Variants in SLC27A3 observed in about 807,000 individuals in gnomAD.
SLC27A3 encodes the protein solute carrier family 27 member 3, also known as long-chain fatty acid transport protein 3.
Under a neutral mutation model 60.1 loss-of-function variants are expected in SLC27A3, and 60 were observed. The ratio of observed to expected loss-of-function variants is 1.00; its 90% CI spans 0.81 to 1.24. The LOEUF is 1.24. Ranked by LOEUF, SLC27A3 falls within the 50% of genes most tolerant of loss-of-function variation. The pLI is 0.00. For synonymous variants in SLC27A3, 455 were observed against 409.0 expected (o/e 1.11, Z -1.36); for missense variants, 1,079 against 929.9 (o/e 1.16, Z -2.09).
intron 1 of SLC27A3, 67 bp from the exon 2 acceptor site, chr1:153,776,451 G>C (rs577396890): frequency 6.9e-7 from 1 of 1,445,530 alleles, no homozygotes; most frequent in Non-Finnish European, 9.5e-7. Flanking sequence ...GATAGGGAGG[G>C]GACATGGGTC....
intron 3 of SLC27A3, 106 bp from the exon 4 acceptor site, chr1:153,777,655 C>T: frequency 7.0e-7 from 1 of 1,423,962 alleles, no homozygotes. Flanking sequence ...TGGGCCCTTC[C>T]CAGGGAAAGA....
Position 153,776,501 on chromosome 1 carries a change from C to G in SLC27A3, c.668-17C>G. 6.2e-7 allele frequency: 1 copy of G among 1,608,524 alleles called. No individual in the cohort carries two copies. The highest frequency in any genetic ancestry group is 8.5e-7 in the Non-Finnish European group (1 of 1,177,454). On this transcript the variant is annotated splice_polypyrimidine_tract_variant and intron_variant, in intron 1 of 9. Transcript: ENST00000624995. ...GTAGAGCCAGGGCCCCGGCGTTGTG[C>G]TTTCCCACCCTTCTAGAGTTTCTGG...
Position 153,777,884 on chromosome 1 carries a change from C to T in SLC27A3, c.1160C>T (p.Pro387Leu), listed in dbSNP as rs146297812. Residue 387 changes from proline to leucine, a missense_variant and splice_region_variant, in exon 4 of 10, where the codon CCG becomes CTG. Physicochemically the swap from Pro to Leu is moderately conservative, Grantham distance 98. Coordinates refer to ENST00000624995, the MANE Select transcript of SLC27A3 (RefSeq NM_024330.4). The stretch of plus-strand genomic sequence containing the variant: ...TGCCGATACCTTGTCAACCAGCCCC[C>T]GGTGCGTGGGCACAGATCCTGGGCA... Reference protein sequence around the residue: ...ELCRYLVNQPPSKAERGHKVR... With the variant: ...ELCRYLVNQPLSKAERGHKVR... 64 of 1,614,164 alleles carry T rather than the reference C, an allele frequency of 4.0e-5. No individual in the cohort carries two copies. In the East Asian group the frequency reaches 4.5e-4, roughly 11 times the overall value.
chr1:153,778,193 G>A lies in SLC27A3; in HGVS notation c.1194G>A (p.Leu398=), dbSNP rs140381148. 1.4e-5 allele frequency: 22 copies of A among 1,612,108 alleles called. No homozygotes were observed. Among genetic ancestry groups the A allele is most frequent in the Non-Finnish European group, 1.9e-5 (22 of 1,179,952 alleles). Residue 398 remains leucine (L), a synonymous_variant, in exon 5 of 10, where the codon CTG becomes CTA. Coordinates refer to ENST00000624995, the MANE Select transcript of SLC27A3 (RefSeq NM_024330.4). ...CAGAACGTGGCCATAAGGTCCGGCT[G>A]GCAGTGGGCAGCGGGCTGCGCCCAG... ...SKAERGHKVR[L]AVGSGLRPDT...
At position 153,775,595 on chromosome 1, in the gene SLC27A3, T is replaced by TG. The variant is rs1673151224; in HGVS notation, c.100dup (p.Ala34GlyfsTer59). 1 of 1,601,718 alleles carries TG rather than the reference T, an allele frequency of 6.2e-7. No individual in the cohort carries two copies. Among genetic ancestry groups the TG allele is most frequent in the Admixed American group, 1.7e-5 (1 of 58,662 alleles). ...CAGTTGCGCTGGCTTCCGGCGGACT[T>TG]GGCCTTTGCGGTGCGAGCTCTGTGC... On this transcript the variant is annotated frameshift_variant, in exon 1 of 10. Transcript: ENST00000624995. LOFTEE classifies it high-confidence loss of function.
At chr1:153,779,584 C>G in intron 9 of SLC27A3, 111 bp downstream of exon 9, 1 of 1,291,998 alleles carries the variant, frequency 7.7e-7, no homozygotes, top group Non-Finnish European at 1.1e-6. Flanking sequence ...ACAAAGGGAC[C>G]CCCAACGTAA....
Position 153,776,165 on chromosome 1 carries a change from G to A in SLC27A3, c.667+1G>A. On this transcript the variant is annotated splice_donor_variant, in intron 1 of 9. Coordinates refer to ENST00000624995, the MANE Select transcript of SLC27A3 (RefSeq NM_024330.4). LOFTEE classifies it high-confidence loss of function. ...GCGCGCGCGCTGGTGCTGGCGCCAG[G>A]TAAGGCTGGAGCTCCGAACTGACTA... The A allele has an allele frequency of 3.5e-6, 5 of 1,417,462 alleles. No individual in the cohort carries two copies. Among genetic ancestry groups the A allele is most frequent in the Non-Finnish European group, 4.6e-6 (5 of 1,098,176 alleles). 87.8% of individuals were successfully genotyped at this position (1,417,462 alleles called of 1,614,324 possible).
rs1227264155 is a variant in SLC27A3 at position 153,779,385 on chromosome 1, C to G, written c.1787C>G (p.Pro596Arg). 4.3e-6 allele frequency: 7 copies of G among 1,613,034 alleles called. No individual in the cohort carries two copies. Among genetic ancestry groups the G allele is most frequent in the Non-Finnish European group, 5.9e-6 (7 of 1,179,710 alleles). The change falls in exon 9 of 10, where the codon CCC becomes CGC. Residue 596 changes from proline to arginine, a missense_variant. Coordinates refer to ENST00000624995, the MANE Select transcript of SLC27A3 (RefSeq NM_024330.4). Reference protein sequence around the residue: ...RAGMAALVLRPPHALDLMQLY... With the variant: ...RAGMAALVLRRPHALDLMQLY... ...GGAATGGCAGCCCTAGTTCTGCGTCCCCCCCACGCTTTGGACCTTATGCAG... is the reference window on the plus strand; with the variant it reads ...GGAATGGCAGCCCTAGTTCTGCGTCGCCCCCACGCTTTGGACCTTATGCAG...
chr1:153,775,908 CGGA>C lies in SLC27A3; in HGVS notation c.413_415del (p.Gly138del). 1 of 1,471,834 alleles carries C rather than the reference CGGA, an allele frequency of 6.8e-7. No individual in the cohort carries two copies. Among genetic ancestry groups the C allele is most frequent in the African/African-American group, 1.5e-5 (1 of 67,506 alleles). 91.2% of individuals were successfully genotyped at this position (1,471,834 alleles called of 1,614,324 possible). A position where few individuals can be genotyped will look rare whatever the true frequency, so the allele number is the denominator to read the frequency against. The stretch of plus-strand genomic sequence containing the variant: ...AAGGCGAGCGGGCAGCGCCGGGAGC[CGGA>C]GATGCAGCGGCCGGAAGCGGCGCGG... On this transcript the variant is annotated inframe_deletion, in exon 1 of 10. Coordinates refer to ENST00000624995, the MANE Select transcript of SLC27A3 (RefSeq NM_024330.4).
At chr1:153,779,655 T>C (rs1370163169) in intron 9 of SLC27A3, 171 bp from the exon 10 acceptor site, 1 of 914,886 alleles carries the variant, frequency 1.1e-6, no homozygotes, top group African/African-American at 1.7e-5. Flanking sequence ...TCTTTCCTTA[T>C]CCCTGCCTTC....
chr1:153,776,970 C>CT, intron 2 of SLC27A3, 92 bp from the exon 3 acceptor site: 1 of 1,423,910 alleles, frequency 7.0e-7, no homozygotes, highest in Non-Finnish European at 9.8e-7. Flanking sequence ...GCCTCCGCCT[C>CT]TTTCTGTGGG....
At chr1:153,778,632 G>A (rs1673365886) in intron 6 of SLC27A3, 55 bp from the exon 7 acceptor site, 2 of 1,610,340 alleles carry the variant, frequency 1.2e-6, no homozygotes, top group African/African-American at 2.7e-5. Flanking sequence ...GGGTGGATGG[G>A]GGCAGAAGGC....
chr1:153,779,250 C>A, intron 8 of SLC27A3, 39 bp downstream of exon 8: 1 of 1,613,624 alleles, frequency 6.2e-7, no homozygotes, highest in Non-Finnish European at 8.5e-7. Context: ...ACCCAGCCAC[C>A]ACCCCGAATT....
Position 153,778,174 on chromosome 1 carries a change from G to A in SLC27A3, c.1175G>A (p.Arg392His), listed in dbSNP as rs35102232. The A allele has an allele frequency of 3.2e-3, 5,212 of 1,609,568 alleles. 141 individuals are homozygous for A. The African/African-American group carries it at 0.059, about 18-fold the overall frequency. Residue 392 changes from arginine (R) to histidine (H), a missense_variant, in exon 5 of 10, where the codon CGT (arginine) becomes CAT (histidine). Physicochemically the swap from Arg to His is conservative, Grantham distance 29. Coordinates refer to ENST00000624995, the MANE Select transcript of SLC27A3 (RefSeq NM_024330.4). Reference protein sequence around the residue: ...LVNQPPSKAERGHKVRLAVGS... With the variant: ...LVNQPPSKAEHGHKVRLAVGS... ...CACTCATCTCAGAGCAAGGCAGAAC[G>A]TGGCCATAAGGTCCGGCTGGCAGTG...
chr1:153,778,648 GA>G, intron 6 of SLC27A3, 38 bp from the exon 7 acceptor site: 1 of 1,611,892 alleles, frequency 6.2e-7, no homozygotes. Flanking sequence ...AAGGCTCTGG[GA>G]AAGGTGACAC....
At chr1:153,778,623 G>A in intron 6 of SLC27A3, 64 bp from the exon 7 acceptor site, 1 of 1,609,318 alleles carries the variant, frequency 6.2e-7, no homozygotes, top group South Asian at 1.1e-5. Context: ...TGGAGACTGG[G>A]GTGGATGGGG....
rs1270019035 is a variant in SLC27A3, at chr1:153,779,206, T to C, written c.1739T>C (p.Val580Ala). 4 of 1,614,136 alleles carry C rather than the reference T, an allele frequency of 2.5e-6. No individual in the cohort carries two copies. Among genetic ancestry groups the C allele is most frequent in the Non-Finnish European group, 3.4e-6 (4 of 1,179,996 alleles). ...GAGGTGAACGTCTATGGAGTCACTG[T>C]GCCAGGTGCCTAGGCATGGAAGGTG... ...LQEVNVYGVT[V>A]PGHEGRAGMA... Residue 580 changes from valine to alanine, a missense_variant, in exon 8 of 10, where the codon GTG becomes GCG. Transcript: ENST00000624995.
chr1:153,779,151 G>A lies in SLC27A3; in HGVS notation c.1684G>A (p.Glu562Lys). Reference protein sequence around the residue: ...GENVATTEVAEVFEALDFLQE... With the variant: ...GENVATTEVAKVFEALDFLQE... Reference sequence around the variant, plus strand: ...GAATGTGGCCACAACCGAGGTGGCAGAGGTCTTCGAGGCCCTAGATTTTCT... The same window carrying A: ...GAATGTGGCCACAACCGAGGTGGCAAAGGTCTTCGAGGCCCTAGATTTTCT... The change falls in exon 8 of 10, where the codon GAG becomes AAG. Residue 562 changes from glutamate (E) to lysine (K), a missense_variant. Coordinates refer to ENST00000624995, the MANE Select transcript of SLC27A3 (RefSeq NM_024330.4). The A allele has an allele frequency of 6.2e-7, 1 of 1,614,196 alleles. No individual in the cohort carries two copies. The highest frequency in any genetic ancestry group is 8.5e-7 in the Non-Finnish European group (1 of 1,180,030).
Position 153,777,141 on chromosome 1 carries a change from G to A in SLC27A3, c.957G>A (p.Gln319=), listed in dbSNP as rs1269423508. The A allele has an allele frequency of 1.2e-6, 2 of 1,614,108 alleles. No individual in the cohort carries two copies. The highest frequency in any genetic ancestry group is 1.3e-5 in the African/African-American group (1 of 74,944). The part of the protein sequence containing the change: ...QGFYQLCGVH[Q]EDVIYLALPL... ...TCTATCAGCTGTGTGGTGTCCACCA[G>A]GAAGATGTGATCTACCTCGCCCTCC... The change falls in exon 3 of 10, where the codon CAG becomes CAA. Residue 319 remains glutamine, a synonymous_variant. Transcript: ENST00000624995.
Sources: gnomAD v4.1 joint callset for allele counts on GRCh38, gnomAD v4.1.1 for gene constraint, MANE v1.5 for transcripts, NCBI Gene and HGNC (gene_info 2026-07-23, HGNC 2026-07-21) for gene names.